The following NOMO2 variants were observed in gnomAD, a reference collection of about 807,000 sequenced individuals.
NOMO2 encodes NODAL modulator 2, also known as BOS complex subunit NOMO2.
A neutral mutation model predicts 67.1 loss-of-function variants in NOMO2; 14 were observed. The observed-to-expected ratio is 0.21, with a 90% CI of 0.14 to 0.33. The LOEUF is 0.33. NOMO2 is among the 10% of genes least tolerant of loss of function. The pLI, the probability that NOMO2 is intolerant of heterozygous loss-of-function variation, is 1.00. For synonymous variants in NOMO2, 80 were observed against 305.9 expected, an observed-to-expected ratio of 0.26 and a Z score of 7.71; for missense variants, 178 against 761.0, an observed-to-expected ratio of 0.23 and a Z score of 9.01.
intron 16 of NOMO2, among the ~76,000 whole-genome samples, chr16:18,525,414 CAT>C (rs1310850675): frequency 1.2e-4 from 18 of 150,238 alleles, no homozygotes; most frequent in Admixed American, 1.1e-3. Flanking sequence ...CAGCCACAAA[CAT>C]ATCAATTGTG....
chr16:18,543,796 T>TA (rs1225019896), intron 6 of NOMO2, 27 bp from the exon 7 acceptor site: 4 of 1,557,024 alleles, frequency 2.6e-6, no homozygotes, highest in Non-Finnish European at 8.7e-7. Context: ...TTTTAACCTG[T>TA]AAAAAAATAA....
intron 16 of NOMO2, among the ~76,000 whole-genome samples, chr16:18,527,206 A>C (rs1353124797): frequency 7.4e-6 from 1 of 135,092 alleles, no homozygotes; most frequent in Non-Finnish European, 1.6e-5. Flanking sequence ...ACAGAGCAAG[A>C]CTCCATCTCA....
At chr16:18,525,196 T>C (rs907966227) in intron 16 of NOMO2, among the ~76,000 whole-genome samples, 14 of 149,662 alleles carry the variant, frequency 9.4e-5, no homozygotes, top group African/African-American at 3.4e-4. Context: ...TTCATTGCAC[T>C]CAACAAGCCC....
chr16:18,528,984 AAAAAATAC>A (rs1901220984), intron 15 of NOMO2, among the ~76,000 whole-genome samples: 3 of 97,252 alleles, frequency 3.1e-5, no homozygotes, highest in Admixed American at 1.1e-4. Flanking sequence ...AAAAAAAAAA[AAAAAATAC>A]ATATATATAT....
chr16:18,525,482 G>A (rs1260715817), intron 16 of NOMO2, among the ~76,000 whole-genome samples: 1 of 151,666 alleles, frequency 6.6e-6, no homozygotes, highest in Non-Finnish European at 1.5e-5. Flanking sequence ...TAGGAGGCAG[G>A]CCTAAGTGGC....
At chr16:18,558,087 C>G (rs978381080) in intron 1 of NOMO2, among the ~76,000 whole-genome samples, 3 of 150,186 alleles carry the variant, frequency 2.0e-5, no homozygotes, top group African/African-American at 7.3e-5. Context: ...GTTTCCGGGT[C>G]TAAAACAAAT....
intron 4 of NOMO2, among the ~76,000 whole-genome samples, chr16:18,550,482 C>T (rs1934426419): frequency 6.6e-6 from 1 of 151,482 alleles, no homozygotes; most frequent in Non-Finnish European, 1.5e-5. Flanking sequence ...CCCACACATA[C>T]AGCTGGGATG....
At chr16:18,539,839 T>A (rs1325085390) in intron 9 of NOMO2, among the ~76,000 whole-genome samples, 1 of 152,108 alleles carries the variant, frequency 6.6e-6, no homozygotes, top group Non-Finnish European at 1.5e-5. Context: ...TGTGTCTGTG[T>A]CTGTGTCTGT....
intron 3 of NOMO2, among the ~76,000 whole-genome samples, chr16:18,554,463 G>T (rs1312132083): frequency 6.6e-6 from 1 of 151,976 alleles, no homozygotes; most frequent in Non-Finnish European, 1.5e-5. Context: ...AAAACTGAGA[G>T]GGCTAAAAAA....
At chr16:18,559,078 G>C (rs1313576410) in intron 1 of NOMO2, among the ~76,000 whole-genome samples, 1 of 151,640 alleles carries the variant, frequency 6.6e-6, no homozygotes, top group African/African-American at 2.4e-5. Context: ...CAGGAGGACT[G>C]CTTGAGGCCA....
chr16:18,529,888 GT>G (rs1219318507), intron 14 of NOMO2, among the ~76,000 whole-genome samples: 2 of 151,398 alleles, frequency 1.3e-5, no homozygotes, highest in Non-Finnish European at 1.5e-5. Flanking sequence ...GCTGACGGCA[GT>G]TGGATGGCTT....
chr16:18,547,518 T>C (rs545397247), intron 5 of NOMO2, among the ~76,000 whole-genome samples: 2 of 152,144 alleles, frequency 1.3e-5, no homozygotes, highest in African/African-American at 4.8e-5. Context: ...GGGTGCTCCA[T>C]GTGCTGATCG....
Position 18,527,574 on chromosome 16 carries a change from G to A in NOMO2, c.1857C>T (p.Leu619=). 1.5e-6 allele frequency: 1 copy of A among 661,284 alleles called. No individual in the cohort carries two copies. The highest frequency in any genetic ancestry group is 2.7e-6 in the Non-Finnish European group (1 of 371,222). 41.0% of individuals were successfully genotyped at this position (661,284 alleles called of 1,614,324 possible). A position where few individuals can be genotyped will look rare whatever the true frequency, so the allele number is the denominator to read the frequency against. The change falls in exon 16 of 31, where the codon CTC becomes CTT. Residue 619 remains leucine, a synonymous_variant. Transcript: ENST00000622306. The part of the protein sequence containing the change: ...NGRENVGIYN[L]SKGVNRFCLS... Reference sequence around the variant, plus strand: ...GGCAGAATCGGTTGACTCCTTTGGAGAGGTTATAAATCCCCACATTCTCAC... The same window carrying A: ...GGCAGAATCGGTTGACTCCTTTGGAAAGGTTATAAATCCCCACATTCTCAC...
At chr16:18,559,185 G>C (rs760637521) in intron 1 of NOMO2, among the ~76,000 whole-genome samples, 2 of 151,972 alleles carry the variant, frequency 1.3e-5, no homozygotes, top group Non-Finnish European at 2.9e-5. Context: ...AATAAAATAA[G>C]TAAAATGGAA....
At chr16:18,561,195 A>AAAAAAAAAAC (rs1902040073) in intron 1 of NOMO2, among the ~76,000 whole-genome samples, 2 of 100,378 alleles carry the variant, frequency 2.0e-5, no homozygotes, top group African/African-American at 3.6e-5. Context: ...AAAAAAAAAA[A>AAAAAAAAAAC]AAAAAAAAAA....
chr16:18,549,409 T>C (rs1901727663), intron 5 of NOMO2, 112 bp downstream of exon 5: 1 of 1,591,930 alleles, frequency 6.3e-7, no homozygotes, highest in South Asian at 1.1e-5. Context: ...GTTAAGAGGC[T>C]GAATCAGGAT....
At chr16:18,554,475 A>C (rs1901860339) in intron 3 of NOMO2, among the ~76,000 whole-genome samples, 2 of 151,988 alleles carry the variant, frequency 1.3e-5, no homozygotes, top group East Asian at 1.9e-4. Flanking sequence ...GCTAAAAAAG[A>C]AGCCATCCTG....
intron 6 of NOMO2, among the ~76,000 whole-genome samples, chr16:18,545,033 C>T (rs1470994876): frequency 2.7e-4 from 37 of 136,218 alleles, no homozygotes; most frequent in African/African-American, 8.5e-4. Context: ...AGACAATTAA[C>T]ATACAATGTA....
chr16:18,557,089 T>C (rs1901923800), intron 2 of NOMO2, among the ~76,000 whole-genome samples: 1 of 151,406 alleles, frequency 6.6e-6, no homozygotes, highest in Admixed American at 6.6e-5. Context: ...ATCACACCAC[T>C]GCACTCCAGC....
Sources: gnomAD v4.1 joint callset for allele counts (sites outside exome capture counted in the v4.1 genomes callset) on GRCh38, gnomAD v4.1.1 for gene constraint, MANE v1.5 for transcripts, NCBI Gene and HGNC (gene_info 2026-07-23, HGNC 2026-07-21) for gene names.